NHS: variants seen among roughly 807,000 people sequenced by gnomAD.
NHS encodes the protein NHS actin remodeling regulator, also known as actin remodeling regulator NHS.
In NHS, 5 loss-of-function variants were observed where a neutral mutation model predicts 72.5. The ratio of observed to expected loss-of-function variants is 0.07; its 90% confidence interval spans 0.04 to 0.14. NHS has a LOEUF of 0.14. Ranked by LOEUF, NHS falls within the 10% of genes least tolerant of loss-of-function variation. The probability of loss-of-function intolerance (pLI) is 1.00; values close to 1 mark genes in which losing one functional copy is unlikely to be tolerated. For missense variants in NHS, 1,072 were observed against 1,355.7 expected (o/e 0.79, Z 3.29); for synonymous variants, 464 against 547.7 (o/e 0.85, Z 2.13).
At chrX:17,639,792 C>A (rs1452574834) in intron 1 of NHS, among the ~76,000 whole-genome samples, 1 of 111,626 alleles carries the variant, frequency 9.0e-6, no homozygotes, top group African/African-American at 3.3e-5. Context: ...ACATTCAAAC[C>A]ATAGCATCAG....
chrX:17,484,526 G>A (rs1285569418), intron 1 of NHS, among the ~76,000 whole-genome samples: 1 of 111,468 alleles, frequency 9.0e-6, no homozygotes, highest in Non-Finnish European at 1.9e-5. Flanking sequence ...GGAGACAGGA[G>A]AGGGTACAAC....
At chrX:17,485,807 G>A (rs2056696778) in intron 1 of NHS, among the ~76,000 whole-genome samples, 1 of 111,802 alleles carries the variant, frequency 8.9e-6, no homozygotes, top group Admixed American at 9.5e-5. Flanking sequence ...AAACATGGCA[G>A]CGTTTTGGAT....
At chrX:17,552,210 G>A (rs913669079) in intron 1 of NHS, 3 of 112,105 alleles carry the variant, frequency 2.7e-5, no homozygotes, top group Non-Finnish European at 5.6e-5. Context: ...GGTGTCTCCC[G>A]GAGTGTGCAG....
At chrX:17,679,041 G>A (rs1218963647) in intron 1 of NHS, among the ~76,000 whole-genome samples, 1 of 111,300 alleles carries the variant, frequency 9.0e-6, no homozygotes, top group African/African-American at 3.3e-5. Flanking sequence ...ACCTGAGTCA[G>A]TGCTTTCTAT....
intron 8 of NHS, among the ~76,000 whole-genome samples, chrX:17,730,671 G>A (rs1032962519): frequency 1.8e-5 from 2 of 112,747 alleles, no homozygotes; most frequent in African/African-American, 6.4e-5. Context: ...GATGATGGGA[G>A]TCAAGGTTCA....
chrX:17,379,353 G>T (rs2146837308), intron 1 of NHS, among the ~76,000 whole-genome samples: 1 of 110,727 alleles, frequency 9.0e-6, no homozygotes, highest in African/African-American at 3.3e-5. Context: ...GAAGTGGTTA[G>T]ATTCTGAATG....
At chrX:17,561,590 A>T (rs985190668) in intron 1 of NHS, among the ~76,000 whole-genome samples, 1 of 100,226 alleles carries the variant, frequency 1.0e-5, no homozygotes, top group Admixed American at 1.1e-4. Context: ...ACACACACAC[A>T]CACACACACA....
intron 1 of NHS, among the ~76,000 whole-genome samples, chrX:17,435,301 A>G (rs932266405): frequency 1.8e-5 from 2 of 111,826 alleles, no homozygotes; most frequent in African/African-American, 6.5e-5. Context: ...GGAGTAAAGC[A>G]CCTAGCTGTT....
At chrX:17,434,459 T>C (rs1478813521) in intron 1 of NHS, among the ~76,000 whole-genome samples, 2 of 103,764 alleles carry the variant, frequency 1.9e-5, no homozygotes, top group Non-Finnish European at 4.0e-5. Context: ...TTTTTTTTTT[T>C]TTTGGACAGA....
chrX:17,450,308 C>G (rs758729958), intron 1 of NHS, among the ~76,000 whole-genome samples: 2 of 111,766 alleles, frequency 1.8e-5, no homozygotes, highest in South Asian at 7.5e-4. Flanking sequence ...TCTTCATGCC[C>G]CTCTCCCCCA....
At chrX:17,532,087 A>G (rs182070165) in intron 1 of NHS, among the ~76,000 whole-genome samples, 9 of 111,181 alleles carry the variant, frequency 8.1e-5, no homozygotes, top group African/African-American at 2.9e-4. Flanking sequence ...AGCCAGTGGG[A>G]TCCTTTGCAG....
chrX:17,468,963 C>T (rs1176077609), intron 1 of NHS, among the ~76,000 whole-genome samples: 2 of 111,931 alleles, frequency 1.8e-5, no homozygotes, highest in Non-Finnish European at 3.8e-5. Flanking sequence ...ACCCCAGAAG[C>T]CCTTCCTGTC....
At chrX:17,706,490 AACAC>A (rs200289537) in intron 3 of NHS, among the ~76,000 whole-genome samples, 13,618 of 97,892 alleles carry the variant, frequency 0.14, 1,731 homozygotes, top group African/African-American at 0.36. Context: ...TCAAAATAGA[AACAC>A]ACACACACAC....
At chrX:17,645,251 C>A (rs773166381) in intron 1 of NHS, among the ~76,000 whole-genome samples, 14 of 111,527 alleles carry the variant, frequency 1.3e-4, no homozygotes, top group African/African-American at 4.6e-4. Context: ...ACCATGATAC[C>A]AGTATTATTT....
Position 17,489,767 on chromosome X carries a change from A to G in NHS, c.565+113445A>G, listed in dbSNP as rs778146179. On this transcript the variant is annotated intron_variant, in intron 1 of 8. Transcript: ENST00000676302. ...CTCCCAAAGTGCTGGGATTACAGGC[A>G]TGAGCCACAGCGCCCGGCTCTGTTG... Among the ~76,000 whole-genome samples the G allele has an allele frequency of 2.7e-5, 3 of 112,331 alleles. No homozygotes were observed. In the South Asian group the frequency reaches 1.1e-3, roughly 41 times the overall value.
At chrX:17,680,420 A>G (rs759319874) in intron 1 of NHS, among the ~76,000 whole-genome samples, 12 of 112,651 alleles carry the variant, frequency 1.1e-4, no homozygotes, top group Non-Finnish European at 2.2e-4. Flanking sequence ...TGGCCTAAAC[A>G]GTGGCTTTCA....
intron 1 of NHS, among the ~76,000 whole-genome samples, chrX:17,579,249 A>G (rs191054230): frequency 5.5e-4 from 62 of 112,261 alleles, no homozygotes; most frequent in African/African-American, 2.0e-3. Flanking sequence ...CTCCTCAGGA[A>G]TGTGTGTCAT....
chrX:17,578,045 A>G (rs1255786409), intron 1 of NHS, among the ~76,000 whole-genome samples: 1 of 112,281 alleles, frequency 8.9e-6, no homozygotes, highest in Non-Finnish European at 1.9e-5. Context: ...TGTGCTAGCC[A>G]TGAAACTAGC....
chrX:17,573,527 A>T (rs1353190252), intron 1 of NHS, among the ~76,000 whole-genome samples: 1 of 109,716 alleles, frequency 9.1e-6, no homozygotes, highest in Non-Finnish European at 1.9e-5. Context: ...TTTCAGCTCC[A>T]TCAGATCATT....
Sources: gnomAD v4.1 joint callset for allele counts (sites outside exome capture counted in the v4.1 genomes callset) on GRCh38, gnomAD v4.1.1 for gene constraint, MANE v1.5 for transcripts, NCBI Gene and HGNC (gene_info 2026-07-23, HGNC 2026-07-21) for gene names.